The following ACBD6 variants were observed in gnomAD, a reference collection of about 807,000 sequenced individuals.
ACBD6 encodes the protein acyl-CoA binding domain containing 6.
Under a neutral mutation model 37.2 loss-of-function variants are expected in ACBD6, and 28 were observed. That is an observed-to-expected ratio of 0.75 (90% CI 0.56 to 1.03). The LOEUF is 1.03. Ranked by LOEUF, ACBD6 falls within the 50% of genes least tolerant of loss-of-function variation. ACBD6 has a pLI of 0.00. For missense variants in ACBD6, 340 were observed against 337.4 expected (o/e 1.01, Z -0.06); for synonymous variants, 113 against 126.8 (o/e 0.89, Z 0.73).
At chr1:180,454,642 T>C (rs528344998) in intron 3 of ACBD6, among the ~76,000 whole-genome samples, 1 of 152,144 alleles carries the variant, frequency 6.6e-6, no homozygotes, top group East Asian at 1.9e-4. Flanking sequence ...AAAGGGCTAA[T>C]AGCTGGAATC....
intron 3 of ACBD6, among the ~76,000 whole-genome samples, chr1:180,486,029 T>C (rs922321748): frequency 3.3e-5 from 5 of 152,034 alleles, no homozygotes; most frequent in African/African-American, 1.2e-4. Flanking sequence ...TACATGAATG[T>C]TGAGAGAGGC....
chr1:180,385,649 T>C (rs1653819935), intron 6 of ACBD6, among the ~76,000 whole-genome samples: 1 of 151,840 alleles, frequency 6.6e-6, no homozygotes, highest in Non-Finnish European at 1.5e-5. Context: ...TAGAGATCTC[T>C]CCATATATGA....
At chr1:180,327,483 T>C (rs1651299599) in intron 6 of ACBD6, among the ~76,000 whole-genome samples, 1 of 152,226 alleles carries the variant, frequency 6.6e-6, no homozygotes, top group Non-Finnish European at 1.5e-5. Context: ...CCAGGTACTG[T>C]GATTGCTCAT....
intron 7 of ACBD6, among the ~76,000 whole-genome samples, chr1:180,312,264 A>G (rs1650623095): frequency 6.6e-6 from 1 of 151,894 alleles, no homozygotes; most frequent in South Asian, 2.1e-4. Context: ...TAAAAATTCT[A>G]TTTTTTTCTA....
At chr1:180,274,801 G>C (rs148288621) in exon 10 of ACBD6, 12 of 551,586 alleles carry the variant, frequency 2.2e-5, no homozygotes, top group African/African-American at 1.9e-4. Flanking sequence ...CACAGCACAG[G>C]GGGTAATGGC....
chr1:180,453,591 G>A (rs1259793207), intron 3 of ACBD6, among the ~76,000 whole-genome samples: 2 of 152,152 alleles, frequency 1.3e-5, no homozygotes, highest in African/African-American at 4.8e-5. Context: ...CAAATAGGAA[G>A]AGAGGAAGTC....
At chr1:180,283,819 G>A (rs984163131), downstream of ACBD6, among the ~76,000 whole-genome samples, 1 of 152,082 alleles carries the variant, frequency 6.6e-6, no homozygotes, top group Non-Finnish European at 1.5e-5. Flanking sequence ...CTGTTTCAGC[G>A]CTTACATGTC....
chr1:180,481,526 A>G (rs1651042604), intron 3 of ACBD6, among the ~76,000 whole-genome samples: 1 of 152,222 alleles, frequency 6.6e-6, no homozygotes, highest in African/African-American at 2.4e-5. Context: ...CCCTGTGTAT[A>G]TTTTAATTTC....
At chr1:180,491,748 G>A (rs1651509155) in intron 3 of ACBD6, among the ~76,000 whole-genome samples, 1 of 152,098 alleles carries the variant, frequency 6.6e-6, no homozygotes, top group African/African-American at 2.4e-5. Context: ...CAAAAACTCT[G>A]CAACTCAGAG....
rs372091862 is a variant in ACBD6 at position 180,288,543 on chromosome 1, A to G, written c.695-26T>C. 178 of 1,605,278 alleles carry G rather than the reference A, an allele frequency of 1.1e-4. No individual in the cohort carries two copies. In the Middle Eastern group the frequency reaches 1.4e-3, roughly 13 times the overall value. ...CTGAAAGGAAAATTGACAAATATGA[A>G]AACAAGTTTACCAAGAGACAGAGAA... On this transcript the variant is annotated intron_variant, in intron 7 of 7. Coordinates refer to ENST00000367595, the MANE Select transcript of ACBD6 (RefSeq NM_032360.4).
chr1:180,420,083 G>A (rs1452737247), intron 4 of ACBD6, among the ~76,000 whole-genome samples: 1 of 152,082 alleles, frequency 6.6e-6, no homozygotes, highest in Non-Finnish European at 1.5e-5. Context: ...ATCTCTTTGG[G>A]GCATTATTTA....
chr1:180,462,122 G>T (rs573128642), intron 3 of ACBD6, among the ~76,000 whole-genome samples: 1 of 152,216 alleles, frequency 6.6e-6, no homozygotes, highest in East Asian at 1.9e-4. Flanking sequence ...TGTAGTCCCA[G>T]CTATTTAGGG....
intron 13 of ACBD6, chr1:180,272,109 C>A: frequency 9.9e-7 from 1 of 1,013,720 alleles, no homozygotes; most frequent in Admixed American, 2.8e-5. Flanking sequence ...CTTGGCAACT[C>A]CCTCCTGAAC....
intron 5 of ACBD6, among the ~76,000 whole-genome samples, chr1:180,399,872 T>C (rs995167394): frequency 7.4e-6 from 1 of 135,906 alleles, no homozygotes; most frequent in Non-Finnish European, 1.6e-5. Context: ...GTGCATTTTA[T>C]GGCTATTAGG....
At chr1:180,367,834 T>C (rs1039785015) in intron 6 of ACBD6, among the ~76,000 whole-genome samples, 7 of 152,228 alleles carry the variant, frequency 4.6e-5, no homozygotes, top group Non-Finnish European at 1.0e-4. Context: ...CTATTGTGAA[T>C]AGTACTGCAG....
intron 6 of ACBD6, among the ~76,000 whole-genome samples, chr1:180,391,963 T>C (rs1205395520): frequency 1.3e-5 from 2 of 152,178 alleles, no homozygotes. Flanking sequence ...AATGAAATGT[T>C]ATACAGCAAT....
intron 3 of ACBD6, among the ~76,000 whole-genome samples, chr1:180,449,570 G>C (rs1237634150): frequency 6.6e-6 from 1 of 151,870 alleles, no homozygotes; most frequent in East Asian, 1.9e-4. Flanking sequence ...ACCACACCCG[G>C]CTAGTTTTTG....
exon 14 of ACBD6, chr1:180,270,493 C>G (rs940605569): frequency 6.6e-6 from 1 of 152,164 alleles, no homozygotes; most frequent in Non-Finnish European, 1.5e-5. Flanking sequence ...CCTGTGCTTC[C>G]GAACACACGC....
intron 6 of ACBD6, among the ~76,000 whole-genome samples, chr1:180,385,673 G>C (rs2101933879): frequency 6.6e-6 from 1 of 152,098 alleles, no homozygotes; most frequent in East Asian, 1.9e-4. Flanking sequence ...CAGAGGAAAG[G>C]CCCGTGAGGA....
Sources: allele counts gnomAD v4.1 joint callset (sites outside exome capture counted in the v4.1 genomes callset), GRCh38; gene constraint gnomAD v4.1.1; transcripts MANE v1.5; gene names NCBI Gene and HGNC (gene_info 2026-07-23, HGNC 2026-07-21).